Variants in SPATA6 observed in about 807,000 individuals in gnomAD.
The protein encoded by SPATA6 is spermatogenesis associated 6, also known as spermatogenesis-associated protein 6.
In SPATA6, 56 loss-of-function variants were observed where a neutral mutation model predicts 65.3. That is an observed-to-expected ratio of 0.86 (90% CI 0.69 to 1.07). The LOEUF is 1.07. SPATA6 is among the 50% of genes least tolerant of loss of function. The pLI is 0.00. For synonymous variants in SPATA6, 199 were observed against 213.2 expected, an observed-to-expected ratio of 0.93 and a Z score of 0.58; for missense variants, 590 against 594.8, an observed-to-expected ratio of 0.99 and a Z score of 0.08.
At chr1:48,357,107 C>T (rs951698950) in intron 10 of SPATA6, among the ~76,000 whole-genome samples, 2 of 152,116 alleles carry the variant, frequency 1.3e-5, no homozygotes, top group African/African-American at 4.8e-5. Flanking sequence ...ATAAGGAATG[C>T]TTGCTTGCCA....
At chr1:48,349,574 A>G (rs2148790582) in intron 11 of SPATA6, among the ~76,000 whole-genome samples, 2 of 152,042 alleles carry the variant, frequency 1.3e-5, no homozygotes, top group East Asian at 3.9e-4. Flanking sequence ...AAATGCATAA[A>G]GTTATTTATT....
chr1:48,437,267 C>T, intron 3 of SPATA6: 1 of 1,589,662 alleles, frequency 6.3e-7, no homozygotes, highest in Non-Finnish European at 8.6e-7. Context: ...ACACTTTCTC[C>T]TTGCTGCTTT....
the SPATA6 span, among the ~76,000 whole-genome samples, chr1:48,268,589 G>A: frequency 1.3e-5 from 2 of 151,894 alleles, no homozygotes; most frequent in South Asian, 2.1e-4. Context: ...TCCTAGGATT[G>A]AAACTGGTTT....
intron 7 of SPATA6, among the ~76,000 whole-genome samples, chr1:48,396,591 G>C (rs577502073): frequency 6.6e-6 from 1 of 151,788 alleles, no homozygotes; most frequent in South Asian, 2.1e-4. Context: ...CGGTAAAAGG[G>C]AAAGAAATTC....
intron 3 of SPATA6, among the ~76,000 whole-genome samples, chr1:48,433,093 A>C (rs1654558901): frequency 6.6e-6 from 1 of 152,314 alleles, no homozygotes; most frequent in Admixed American, 6.5e-5. Flanking sequence ...AAAATCATAG[A>C]GACAGAAAAC....
At chr1:48,271,686 A>G in the SPATA6 span, among the ~76,000 whole-genome samples, 1 of 152,162 alleles carries the variant, frequency 6.6e-6, no homozygotes, top group Non-Finnish European at 1.5e-5. Context: ...TTTAACAACT[A>G]GGCCATGGGA....
rs773257200 is a variant in SPATA6 at position 48,471,944 on chromosome 1, C to G, written c.51+14G>C. 5 of 1,610,162 alleles carry G rather than the reference C, an allele frequency of 3.1e-6. No homozygotes were observed. Among genetic ancestry groups the G allele is most frequent in the East Asian group, 4.5e-5 (2 of 44,736 alleles). On this transcript the variant is annotated intron_variant, in intron 1 of 12. Coordinates refer to ENST00000371847, the MANE Select transcript of SPATA6 (RefSeq NM_019073.4). ...AGCCAATGCCCGGGGGTGGGAGGCG[C>G]TACCGGTACTCACTGAGCTGATCTC...
intron 4 of SPATA6, among the ~76,000 whole-genome samples, chr1:48,412,101 CTGCCCACCT>C (rs1652299833): frequency 6.6e-6 from 1 of 152,120 alleles, no homozygotes; most frequent in Admixed American, 6.5e-5. Context: ...ACCTCATGAT[CTGCCCACCT>C]TGGCCCCACA....
At chr1:48,325,138 C>T (rs1645718436) in intron 11 of SPATA6, 3 of 543,264 alleles carry the variant, frequency 5.5e-6, no homozygotes, top group Non-Finnish European at 1.0e-5. Flanking sequence ...CATACTTATT[C>T]TTCTTGGGTT....
chr1:48,279,409 C>T, the SPATA6 span, among the ~76,000 whole-genome samples: 1 of 152,162 alleles, frequency 6.6e-6, no homozygotes, highest in African/African-American at 2.4e-5. Flanking sequence ...GAGTCAAGAT[C>T]CATCAGTGTG....
At chr1:48,451,413 T>G in intron 3 of SPATA6, 139 bp downstream of exon 3, 1 of 583,300 alleles carries the variant, frequency 1.7e-6, no homozygotes, top group Non-Finnish European at 2.9e-6. Context: ...TTCTAAAAAG[T>G]ATTAAAAAGT....
At position 48,329,261 on chromosome 1, in the gene SPATA6, T is replaced by C. The variant is rs1645847588; in HGVS notation, c.1195-23383A>G. Reference sequence around the variant, plus strand: ...GAATAATACAAATACAACATAAAATTATTAGATGCATCTAAAGCAGTGGCG... The same window carrying C: ...GAATAATACAAATACAACATAAAATCATTAGATGCATCTAAAGCAGTGGCG... On this transcript the variant is annotated intron_variant, in intron 11 of 12. Coordinates refer to ENST00000371847, the MANE Select transcript of SPATA6 (RefSeq NM_019073.4). 3.9e-5 allele frequency among the ~76,000 whole-genome samples: 6 copies of C among 152,220 alleles called. No individual in the cohort carries two copies. The South Asian group carries it at 1.2e-3, about 32-fold the overall frequency.
intron 9 of SPATA6, among the ~76,000 whole-genome samples, chr1:48,371,298 GATA>G (rs1205776882): frequency 1.3e-5 from 2 of 152,098 alleles, no homozygotes; most frequent in African/African-American, 4.8e-5. Flanking sequence ...TAGATAGATA[GATA>G]GATAGATAGA....
intron 5 of SPATA6, among the ~76,000 whole-genome samples, chr1:48,410,734 C>T (rs913424033): frequency 2.0e-5 from 3 of 152,164 alleles, no homozygotes; most frequent in African/African-American, 7.2e-5. Context: ...ATGTCAAACA[C>T]TTATAAAACC....
intron 11 of SPATA6, among the ~76,000 whole-genome samples, chr1:48,306,160 C>A (rs1645057259): frequency 6.6e-6 from 1 of 151,886 alleles, no homozygotes; most frequent in Admixed American, 6.6e-5. Context: ...AGGAATGAAT[C>A]CTGTGTCATG....
At chr1:48,403,650 C>T in intron 6 of SPATA6, 152 bp downstream of exon 6, 1 of 530,820 alleles carries the variant, frequency 1.9e-6, no homozygotes, top group South Asian at 3.3e-5. Flanking sequence ...TGTAACCAAA[C>T]TGCTAAATAC....
chr1:48,316,817 A>T (rs187464774), intron 11 of SPATA6, among the ~76,000 whole-genome samples: 1 of 152,358 alleles, frequency 6.6e-6, no homozygotes. Context: ...ATCTGCAATG[A>T]ACTAAAACAA....
chr1:48,364,093 T>C (rs1646913510), intron 9 of SPATA6, among the ~76,000 whole-genome samples: 1 of 152,154 alleles, frequency 6.6e-6, no homozygotes, highest in Non-Finnish European at 1.5e-5. Context: ...AGAATGATGA[T>C]TTCCAATTTC....
chr1:48,377,765 C>T (rs1177563947), intron 9 of SPATA6, among the ~76,000 whole-genome samples: 2 of 152,142 alleles, frequency 1.3e-5, no homozygotes, highest in East Asian at 1.9e-4. Flanking sequence ...AGCAGGGGAA[C>T]GGAACAGAGT....
Sources: allele counts gnomAD v4.1 joint callset (sites outside exome capture counted in the v4.1 genomes callset), GRCh38; gene constraint gnomAD v4.1.1; transcripts MANE v1.5; gene names NCBI Gene and HGNC (gene_info 2026-07-23, HGNC 2026-07-21).